CDH4: variants seen among roughly 807,000 people sequenced by gnomAD.
The protein encoded by CDH4 is cadherin 4.
CDH4 carries 33 observed loss-of-function variants against 86.0 expected under a neutral mutation model. The observed-to-expected ratio is 0.38, with a 90% CI of 0.29 to 0.51. The LOEUF is 0.51. CDH4 is among the 20% of genes least tolerant of loss of function. CDH4 has a pLI of 0.86. For missense variants in CDH4, 1,114 were observed against 1,307.4 expected (o/e 0.85, Z 2.28); for synonymous variants, 555 against 549.4 (o/e 1.01, Z -0.14).
chr20:61,472,492 CTGA>C (rs1276355835), intron 2 of CDH4, among the ~76,000 whole-genome samples: 2 of 152,118 alleles, frequency 1.3e-5, no homozygotes, highest in Non-Finnish European at 2.9e-5. Context: ...GTGATTTCCT[CTGA>C]TGATATGTTT....
intron 2 of CDH4, among the ~76,000 whole-genome samples, chr20:61,603,342 G>A (rs1360417694): frequency 1.3e-5 from 2 of 152,188 alleles, no homozygotes; most frequent in African/African-American, 4.8e-5. Context: ...GGGGCAACCA[G>A]GGCCCCACAC....
chr20:61,841,186 A>G (rs1982148919), intron 4 of CDH4, among the ~76,000 whole-genome samples: 1 of 152,194 alleles, frequency 6.6e-6, no homozygotes. Context: ...TCGAGCACCT[A>G]CTGCGTGCTC....
chr20:61,354,618 C>CCCCG (rs1358258421), intron 2 of CDH4, among the ~76,000 whole-genome samples: 1 of 152,262 alleles, frequency 6.6e-6, no homozygotes, highest in Non-Finnish European at 1.5e-5. Context: ...TGTGGCTCAG[C>CCCCG]CCCGCTGCAC....
At chr20:61,325,747 A>G (rs1385856490) in intron 2 of CDH4, among the ~76,000 whole-genome samples, 1 of 152,150 alleles carries the variant, frequency 6.6e-6, no homozygotes, top group Non-Finnish European at 1.5e-5. Context: ...AAAAAAGAAA[A>G]AAAAGCAGCG....
intron 2 of CDH4, among the ~76,000 whole-genome samples, chr20:61,261,202 C>T (rs897424690): frequency 2.2e-4 from 34 of 152,076 alleles, no homozygotes; most frequent in South Asian, 4.1e-4. Context: ...GTCAGTGATT[C>T]CTAAGTCAGT....
intron 2 of CDH4, among the ~76,000 whole-genome samples, chr20:61,632,240 T>C (rs551698196): frequency 6.6e-6 from 1 of 152,250 alleles, no homozygotes; most frequent in East Asian, 1.9e-4. Flanking sequence ...TGAAGGAGCA[T>C]GTTGGGATGG....
intron 3 of CDH4, among the ~76,000 whole-genome samples, chr20:61,771,426 G>A (rs1329931328): frequency 6.6e-6 from 1 of 151,578 alleles, no homozygotes; most frequent in Non-Finnish European, 1.5e-5. Flanking sequence ...GAGTTTGAGA[G>A]CAGCCTGGCC....
intron 6 of CDH4, among the ~76,000 whole-genome samples, chr20:61,860,681 A>G (rs1983283120): frequency 6.6e-6 from 1 of 152,300 alleles, no homozygotes; most frequent in Admixed American, 6.5e-5. Flanking sequence ...GGGAAGAGGC[A>G]TCACTGAAAA....
At chr20:61,916,734 T>A (rs993799968) in intron 9 of CDH4, among the ~76,000 whole-genome samples, 2 of 152,198 alleles carry the variant, frequency 1.3e-5, no homozygotes, top group East Asian at 1.9e-4. Context: ...CAACCTTCAG[T>A]AGTTTATAGT....
At chr20:61,301,534 CTTTTTAAG>C (rs2084386247) in intron 2 of CDH4, among the ~76,000 whole-genome samples, 1 of 152,156 alleles carries the variant, frequency 6.6e-6, no homozygotes, top group South Asian at 2.1e-4. Flanking sequence ...GTTTTTGCTG[CTTTTTAAG>C]TCGTTTCAAG....
rs144902019 is a variant in CDH4 at position 61,450,132 on chromosome 20, T to G, written c.169+195195T>G. Among the ~76,000 whole-genome samples the G allele has an allele frequency of 1.8e-4, 28 of 152,360 alleles. No homozygotes were observed. In the East Asian group the frequency reaches 2.9e-3, roughly 16 times the overall value. On this transcript the variant is annotated intron_variant, in intron 2 of 15. Coordinates refer to ENST00000614565, the MANE Select transcript of CDH4 (RefSeq NM_001794.5). ...TTACAATCAAAACTATCTTAGTGGA[T>G]TCTTTTAAGTCTTCTTGAATGACCT...
At chr20:61,283,792 C>T (rs188846287) in intron 2 of CDH4, among the ~76,000 whole-genome samples, 46 of 152,350 alleles carry the variant, frequency 3.0e-4, no homozygotes, top group Non-Finnish European at 7.3e-5. Context: ...AGCTCTGTTA[C>T]GTGGCCCTGG....
chr20:61,859,930 T>C (rs1757252505), intron 6 of CDH4, among the ~76,000 whole-genome samples: 1 of 152,272 alleles, frequency 6.6e-6, no homozygotes, highest in African/African-American at 2.4e-5. Flanking sequence ...GCAGGGGTTC[T>C]GCCATGCTGT....
intron 2 of CDH4, among the ~76,000 whole-genome samples, chr20:61,566,954 C>T (rs938087998): frequency 2.6e-5 from 4 of 152,074 alleles, no homozygotes; most frequent in African/African-American, 7.2e-5. Flanking sequence ...TTGCCAGCGG[C>T]GGTGATGGGC....
At position 61,902,502 on chromosome 20, in the gene CDH4, G is replaced by A. The variant is rs1470089156; in HGVS notation, c.1188+7455G>A. On this transcript the variant is annotated intron_variant, in intron 8 of 15. Coordinates refer to ENST00000614565, the MANE Select transcript of CDH4 (RefSeq NM_001794.5). This position sits in a 1 kb window ranked among gnomAD's most constrained non-coding sequence, Gnocchi z 4.6. ...CCTTCCCAGGGATTTGCAGGCAAAT[G>A]AGCGGCCGTTGACACAGGGACAGGC... is the stretch of plus-strand genomic sequence containing the variant. Among the ~76,000 whole-genome samples the A allele has an allele frequency of 1.3e-5, 2 of 152,266 alleles. No homozygotes were observed. The highest frequency in any genetic ancestry group is 2.9e-5 in the Non-Finnish European group (2 of 68,054).
At chr20:61,780,112 C>G (rs1978460105) in intron 4 of CDH4, among the ~76,000 whole-genome samples, 1 of 152,220 alleles carries the variant, frequency 6.6e-6, no homozygotes, top group Non-Finnish European at 1.5e-5. Context: ...CCTGAATGCT[C>G]ACCTTGCCCC....
intron 2 of CDH4, among the ~76,000 whole-genome samples, chr20:61,371,493 C>T (rs1202306452): frequency 6.6e-6 from 1 of 152,258 alleles, no homozygotes; most frequent in African/African-American, 2.4e-5. Context: ...GAAAAGCCTT[C>T]AACCAGCCGT....
intron 2 of CDH4, among the ~76,000 whole-genome samples, chr20:61,414,927 G>A (rs1422606644): frequency 1.3e-5 from 2 of 152,204 alleles, no homozygotes; most frequent in Non-Finnish European, 2.9e-5. Flanking sequence ...GCATGCAGTG[G>A]GGGTGTGCCT....
chr20:61,645,721 C>T (rs1490139104), intron 2 of CDH4, among the ~76,000 whole-genome samples: 1 of 152,160 alleles, frequency 6.6e-6, no homozygotes, highest in Non-Finnish European at 1.5e-5. Flanking sequence ...TCTATTTCAC[C>T]CCCCTTCAAC....
Sources: gnomAD v4.1 joint callset for allele counts (sites outside exome capture counted in the v4.1 genomes callset) on GRCh38, gnomAD v4.1.1 for gene constraint, Gnocchi (gnomAD v3.1) non-coding constraint, MANE v1.5 for transcripts, NCBI Gene and HGNC (gene_info 2026-07-23, HGNC 2026-07-21) for gene names.